Variants in FAT3 observed in about 807,000 individuals in gnomAD.
The protein encoded by FAT3 is FAT atypical cadherin 3, also known as protocadherin Fat 3.
Under a neutral mutation model 310.2 loss-of-function variants are expected in FAT3, and 95 were observed. The ratio of observed to expected loss-of-function variants is 0.31; its 90% CI spans 0.26 to 0.36. The LOEUF (loss-of-function observed/expected upper bound fraction) is 0.36. Among genes scored for constraint, FAT3 ranks in the 10% least tolerant of loss-of-function variants. FAT3 has a pLI of 1.00. For missense variants in FAT3, 5,408 were observed against 5,715.6 expected (o/e 0.95, Z 1.74); for synonymous variants, 2,314 against 2,192.9 (o/e 1.06, Z -1.54).
At chr11:92,320,296 T>C (rs554900421) in intron 1 of FAT3, among the ~76,000 whole-genome samples, 1 of 152,326 alleles carries the variant, frequency 6.6e-6, no homozygotes, top group Non-Finnish European at 1.5e-5. Context: ...TGGTCCCATG[T>C]ACCATTGACA....
intron 7 of FAT3, among the ~76,000 whole-genome samples, chr11:92,786,858 C>T (rs748642567): frequency 1.3e-5 from 2 of 152,086 alleles, no homozygotes; most frequent in Non-Finnish European, 2.9e-5. Flanking sequence ...AAATGAACAC[C>T]AATAGAAAAC....
chr11:92,746,961 C>T (rs146551697), intron 4 of FAT3, among the ~76,000 whole-genome samples: 1 of 152,330 alleles, frequency 6.6e-6, no homozygotes, highest in East Asian at 1.9e-4. Flanking sequence ...CTCCTGACTG[C>T]TTTCATGGAC....
intron 2 of FAT3, among the ~76,000 whole-genome samples, chr11:92,502,671 C>T (rs1287535821): frequency 6.6e-6 from 1 of 152,026 alleles, no homozygotes; most frequent in African/African-American, 2.4e-5. Flanking sequence ...GAAAAAATAT[C>T]TTCCTAACAA....
intron 4 of FAT3, among the ~76,000 whole-genome samples, chr11:92,738,975 A>G (rs545693779): frequency 6.6e-6 from 1 of 152,306 alleles, no homozygotes; most frequent in East Asian, 1.9e-4. Flanking sequence ...AAGACTCAGA[A>G]CATGATGAGT....
rs147639524 is a variant in FAT3, at chr11:92,588,752, A to G, written c.3607+63804A>G. Among the ~76,000 whole-genome samples, 140 of 150,614 alleles carry G rather than the reference A, an allele frequency of 9.3e-4. 2 individuals are homozygous for G. The highest frequency in any genetic ancestry group is 3.3e-3 in the African/African-American group (133 of 40,568). On this transcript the variant is annotated intron_variant, in intron 3 of 27. Coordinates refer to ENST00000525166, the MANE Select transcript of FAT3 (RefSeq NM_001367949.2). The stretch of plus-strand genomic sequence containing the variant: ...GTAGCCAAAGATCTACAAAAAAGCA[A>G]ATAGTATGTGACACATTTCCTACAA...
At chr11:92,370,329 G>T (rs1168698985) in intron 2 of FAT3, among the ~76,000 whole-genome samples, 4 of 152,126 alleles carry the variant, frequency 2.6e-5, no homozygotes, top group African/African-American at 9.7e-5. Context: ...ACATTATTTT[G>T]AGGTTGGCTT....
Position 92,631,823 on chromosome 11 carries a change from C to T in FAT3, c.3608-65561C>T, listed in dbSNP as rs200377086. On this transcript the variant is annotated intron_variant, in intron 3 of 27. Transcript: ENST00000525166. ...AGAAAGTGGAGCTCAGAGCACTGAG[C>T]GCCTTGTCCAGTGAGCCAGTGACTT... 1.7e-4 allele frequency among the ~76,000 whole-genome samples: 26 copies of T among 152,142 alleles called. No individual in the cohort carries two copies. The East Asian group carries it at 2.9e-3, about 17-fold the overall frequency.
chr11:92,615,383 G>A (rs1316471048), intron 3 of FAT3, among the ~76,000 whole-genome samples: 1 of 151,892 alleles, frequency 6.6e-6, no homozygotes, highest in Non-Finnish European at 1.5e-5. Flanking sequence ...AGTAGCTGGG[G>A]TTACAGGCAC....
At chr11:92,551,607 T>G (rs1161042786) in intron 3 of FAT3, among the ~76,000 whole-genome samples, 3 of 152,162 alleles carry the variant, frequency 2.0e-5, no homozygotes, top group Non-Finnish European at 4.4e-5. Context: ...CTGTATTATC[T>G]TAAAACATTC....
At chr11:92,531,921 C>T (rs1330272209) in intron 3 of FAT3, among the ~76,000 whole-genome samples, 1 of 152,046 alleles carries the variant, frequency 6.6e-6, no homozygotes, top group Non-Finnish European at 1.5e-5. Context: ...TGCTAGATGC[C>T]AGGGTCACCC....
At chr11:92,270,426 C>A (rs1340156321) in intron 1 of FAT3, among the ~76,000 whole-genome samples, 1 of 151,918 alleles carries the variant, frequency 6.6e-6, no homozygotes, top group Non-Finnish European at 1.5e-5. Context: ...CACCTGTAAT[C>A]CCAGCATTTT....
chr11:92,521,798 A>G (rs1447176854), intron 2 of FAT3, among the ~76,000 whole-genome samples: 3 of 152,150 alleles, frequency 2.0e-5, no homozygotes, highest in African/African-American at 7.2e-5. Context: ...TGAATTACAG[A>G]TCTCACAGCA....
intron 1 of FAT3, among the ~76,000 whole-genome samples, chr11:92,236,082 A>G (rs56195703): frequency 0.032 from 4,816 of 152,268 alleles, 120 homozygotes; most frequent in South Asian, 0.053. Context: ...GCCTTTCTCA[A>G]TTCTATTTAA....
chr11:92,397,732 C>T (rs949641085), intron 2 of FAT3, among the ~76,000 whole-genome samples: 3 of 151,944 alleles, frequency 2.0e-5, no homozygotes, highest in Admixed American at 2.0e-4. Flanking sequence ...CTTGCGAACA[C>T]GCCACCTCTT....
chr11:92,737,974 A>C (rs1179561182), intron 4 of FAT3, among the ~76,000 whole-genome samples: 1 of 152,164 alleles, frequency 6.6e-6, no homozygotes, highest in East Asian at 1.9e-4. Context: ...GTTCTCATTG[A>C]GACAGGGCAT....
At chr11:92,335,330 ATTTAGGTTAAGTGGCTTTCT>A (rs1277901302) in intron 1 of FAT3, among the ~76,000 whole-genome samples, 1 of 152,078 alleles carries the variant, frequency 6.6e-6, no homozygotes, top group African/African-American at 2.4e-5. Context: ...TTGACTTGTT[ATTTAGGTTAAGTGGCTTTCT>A]TGACAGGCAA....
intron 3 of FAT3, among the ~76,000 whole-genome samples, chr11:92,545,760 G>C (rs533340289): frequency 6.6e-6 from 1 of 152,276 alleles, no homozygotes; most frequent in East Asian, 1.9e-4. Context: ...GGTTTGCTTG[G>C]GAATTTGCCT....
intron 2 of FAT3, among the ~76,000 whole-genome samples, chr11:92,473,118 A>C (rs1037261175): frequency 6.6e-6 from 1 of 152,116 alleles, no homozygotes; most frequent in Non-Finnish European, 1.5e-5. Context: ...ACATATCACT[A>C]TCTACACATG....
intron 2 of FAT3, among the ~76,000 whole-genome samples, chr11:92,358,137 A>C (rs550814825): frequency 2.0e-5 from 3 of 152,116 alleles, no homozygotes; most frequent in Non-Finnish European, 2.9e-5. Flanking sequence ...TGACCACACC[A>C]CTGCACTCTA....
Sources: gnomAD v4.1 joint callset for allele counts (sites outside exome capture counted in the v4.1 genomes callset) on GRCh38, gnomAD v4.1.1 for gene constraint, MANE v1.5 for transcripts, NCBI Gene and HGNC (gene_info 2026-07-23, HGNC 2026-07-21) for gene names.